Variants in BLVRA observed in about 807,000 individuals in gnomAD.
BLVRA encodes the protein biliverdin reductase A.
A neutral mutation model predicts 32.8 loss-of-function variants in BLVRA; 22 were observed. The ratio of observed to expected loss-of-function variants is 0.67; its 90% CI spans 0.48 to 0.96. The LOEUF (loss-of-function observed/expected upper bound fraction) is 0.96, where lower values mean the gene tolerates loss of function less well. Ranked by LOEUF, BLVRA falls within the 40% of genes least tolerant of loss-of-function variation. The probability of loss-of-function intolerance (pLI) is 0.00; values close to 1 mark genes in which losing one functional copy is unlikely to be tolerated. For synonymous variants in BLVRA, 119 were observed against 141.3 expected (o/e 0.84, Z 1.12); for missense variants, 323 against 358.1 (o/e 0.90, Z 0.79).
chr7:43,768,364 C>CT (rs2132548169), intron 1 of BLVRA, among the ~76,000 whole-genome samples: 1 of 152,204 alleles, frequency 6.6e-6, no homozygotes, highest in Admixed American at 6.5e-5. Context: ...TTGAAGCTCT[C>CT]TGGGTGAATG....
At chr7:43,762,711 G>A (rs7784790) in intron 1 of BLVRA, among the ~76,000 whole-genome samples, 1 of 148,896 alleles carries the variant, frequency 6.7e-6, no homozygotes, top group South Asian at 2.1e-4. Flanking sequence ...TCCCAGGTTC[G>A]AGCAATTCTC....
intron 2 of BLVRA, among the ~76,000 whole-genome samples, chr7:43,784,263 T>C (rs2095774056): frequency 6.6e-6 from 1 of 152,212 alleles, no homozygotes; most frequent in African/African-American, 2.4e-5. Flanking sequence ...AATGGAACTG[T>C]GGATGTCCTG....
chr7:43,802,674 G>A (rs941896878), intron 6 of BLVRA, among the ~76,000 whole-genome samples: 1 of 151,948 alleles, frequency 6.6e-6, no homozygotes, highest in Admixed American at 6.6e-5. Context: ...AATTTTGTGT[G>A]TTTTTTTGTA....
At chr7:43,770,086 C>T (rs1470007880) in intron 1 of BLVRA, among the ~76,000 whole-genome samples, 2 of 152,196 alleles carry the variant, frequency 1.3e-5, no homozygotes, top group East Asian at 1.9e-4. Flanking sequence ...AAATGCTGTG[C>T]TGGGTCCAAG....
chr7:43,794,179 A>G (rs981520431), intron 5 of BLVRA, among the ~76,000 whole-genome samples: 3 of 152,058 alleles, frequency 2.0e-5, no homozygotes, highest in Non-Finnish European at 2.9e-5. Context: ...GCACTGAACC[A>G]TGATCGGGCC....
intron 1 of BLVRA, among the ~76,000 whole-genome samples, chr7:43,760,829 C>T (rs1229006875): frequency 3.4e-5 from 5 of 148,050 alleles, no homozygotes; most frequent in Admixed American, 6.8e-5. Flanking sequence ...AGTGCAGTGG[C>T]GCCATCTTGG....
chr7:43,794,752 C>T (rs1447597789), intron 5 of BLVRA, among the ~76,000 whole-genome samples: 1 of 152,032 alleles, frequency 6.6e-6, no homozygotes, highest in East Asian at 1.9e-4. Context: ...ATAAATATCA[C>T]TTTAAATCCT....
chr7:43,793,649 A>T (rs971453740), intron 5 of BLVRA, among the ~76,000 whole-genome samples: 7 of 145,920 alleles, frequency 4.8e-5, no homozygotes, highest in African/African-American at 1.8e-4. Flanking sequence ...TGGGGTACAG[A>T]GTCTTGCTGT....
intron 5 of BLVRA, among the ~76,000 whole-genome samples, chr7:43,796,544 T>A (rs909708001): frequency 4.6e-5 from 7 of 152,142 alleles, no homozygotes; most frequent in Admixed American, 2.0e-4. Context: ...TTACACCATA[T>A]AAAAAATTCA....
intron 2 of BLVRA, among the ~76,000 whole-genome samples, chr7:43,776,107 A>C (rs866925848): frequency 1.3e-5 from 2 of 151,966 alleles, no homozygotes; most frequent in Middle Eastern, 3.2e-3. Flanking sequence ...GGATTCATTA[A>C]TTTTTTTGAA....
chr7:43,787,071 T>A lies in BLVRA; in HGVS notation c.13-833T>A, dbSNP rs202236300. 6.6e-6 allele frequency among the ~76,000 whole-genome samples: 1 copy of A among 151,866 alleles called. No individual in the cohort carries two copies. Among genetic ancestry groups the A allele is most frequent in the African/African-American group, 2.4e-5 (1 of 41,326 alleles). ...CTAAGTAGCTGGGATTACAGGCGCC[T>A]GCCAACAGGCCCAGCTAATTTTTGT... On this transcript the variant is annotated intron_variant, in intron 2 of 7. Coordinates refer to ENST00000265523, the MANE Select transcript of BLVRA (RefSeq NM_000712.4). This position sits in a 1 kb window ranked among gnomAD's most constrained non-coding sequence, Gnocchi z 4.5.
intron 1 of BLVRA, 89 bp from the exon 2 acceptor site, chr7:43,771,048 TG>T (rs1563537213): frequency 9.3e-7 from 1 of 1,078,018 alleles, no homozygotes; most frequent in Non-Finnish European, 1.4e-6. Context: ...CAGGAAGCAG[TG>T]GGGGAGCATG....
intron 5 of BLVRA, among the ~76,000 whole-genome samples, chr7:43,798,664 G>C (rs969579486): frequency 2.0e-5 from 3 of 152,172 alleles, no homozygotes; most frequent in African/African-American, 7.2e-5. Context: ...CTCTGCCTCA[G>C]CCTTGGAATT....
chr7:43,778,894 A>C (rs959055827), intron 2 of BLVRA, among the ~76,000 whole-genome samples: 7 of 152,190 alleles, frequency 4.6e-5, no homozygotes, highest in Non-Finnish European at 8.8e-5. Context: ...GCCACCTTGC[A>C]GTTTGATCTC....
intron 5 of BLVRA, among the ~76,000 whole-genome samples, chr7:43,793,618 CTTTTTTT>C (rs35816005): frequency 7.4e-6 from 1 of 135,530 alleles, no homozygotes; most frequent in South Asian, 2.4e-4. Context: ...TCTTTTACAA[CTTTTTTT>C]TTTTTTTTTT....
chr7:43,774,149 T>G (rs970838682), intron 2 of BLVRA, among the ~76,000 whole-genome samples: 1 of 152,218 alleles, frequency 6.6e-6, no homozygotes, highest in Non-Finnish European at 1.5e-5. Flanking sequence ...TTTAATTAGA[T>G]CCCATTTGTC....
chr7:43,783,872 C>T (rs999685165), intron 2 of BLVRA, among the ~76,000 whole-genome samples: 1 of 152,174 alleles, frequency 6.6e-6, no homozygotes, highest in Non-Finnish European at 1.5e-5. Flanking sequence ...CTGGACTCTC[C>T]TTCCACCTTT....
intron 6 of BLVRA, among the ~76,000 whole-genome samples, chr7:43,801,119 C>A (rs17246044): frequency 6.6e-6 from 1 of 152,142 alleles, no homozygotes; most frequent in Non-Finnish European, 1.5e-5. Flanking sequence ...CCCACCTCAG[C>A]CTTCCAAGTA....
intron 1 of BLVRA, among the ~76,000 whole-genome samples, chr7:43,767,866 G>A (rs1000906268): frequency 3.3e-5 from 5 of 152,022 alleles, no homozygotes; most frequent in Non-Finnish European, 7.4e-5. Flanking sequence ...GAAAGGGAGA[G>A]CAAGTAGTAG....
Sources: gnomAD v4.1 joint callset for allele counts (sites outside exome capture counted in the v4.1 genomes callset) on GRCh38, gnomAD v4.1.1 for gene constraint, Gnocchi (gnomAD v3.1) non-coding constraint, MANE v1.5 for transcripts, NCBI Gene and HGNC (gene_info 2026-07-23, HGNC 2026-07-21) for gene names.